Variants in PUM2 observed in about 807,000 individuals in gnomAD.
PUM2 encodes pumilio RNA binding family member 2.
Under a neutral mutation model 124.5 loss-of-function variants are expected in PUM2, and 57 were observed. The observed-to-expected ratio is 0.46, with a 90% confidence interval of 0.37 to 0.57. PUM2 has a LOEUF of 0.57. Ranked by LOEUF, PUM2 falls within the 20% of genes least tolerant of loss-of-function variation. PUM2 has a pLI of 0.00. For synonymous variants in PUM2, 460 were observed against 446.1 expected, an observed-to-expected ratio of 1.03 and a Z score of -0.39; for missense variants, 1,065 against 1,290.6, an observed-to-expected ratio of 0.83 and a Z score of 2.68.
At chr2:20,300,166 T>TG (rs1676617748) in intron 7 of PUM2, among the ~76,000 whole-genome samples, 1 of 151,900 alleles carries the variant, frequency 6.6e-6, no homozygotes, top group Non-Finnish European at 1.5e-5. Context: ...TTTTTTTTTT[T>TG]GAGACAGAGT....
At chr2:20,260,950 T>C (rs916757346) in intron 14 of PUM2, among the ~76,000 whole-genome samples, 2 of 152,144 alleles carry the variant, frequency 1.3e-5, no homozygotes, top group East Asian at 1.9e-4. Context: ...CACATTTCAA[T>C]TGACAACAAG....
intron 14 of PUM2, among the ~76,000 whole-genome samples, chr2:20,262,888 G>T (rs1031635418): frequency 6.6e-6 from 1 of 152,106 alleles, no homozygotes; most frequent in African/African-American, 2.4e-5. Context: ...CACACCATGA[G>T]GGTCACTTAA....
intron 13 of PUM2, among the ~76,000 whole-genome samples, chr2:20,277,775 TC>T (rs1344301631): frequency 2.0e-5 from 3 of 152,200 alleles, no homozygotes; most frequent in Middle Eastern, 3.4e-3. Context: ...GGCAATAGAA[TC>T]CCTCAGTTTC....
chr2:20,283,026 T>G lies in PUM2; in HGVS notation c.1641A>C (p.Gly547=). 1.2e-6 allele frequency: 2 copies of G among 1,614,088 alleles called. No homozygotes were observed. The highest frequency in any genetic ancestry group is 1.7e-4 in the Middle Eastern group (1 of 6,058). The stretch of plus-strand genomic sequence containing the variant: ...CACTTCCAAAGCCAAGAGATGTACT[T>G]CCAGGTTGACCAGGTCCATGAGAAA... The part of the protein sequence containing the change: ...SLFSHGPGQP[G]STSLGFGSGN... The change falls in exon 12 of 21, where the codon GGA becomes GGC. Residue 547 remains glycine (G), a synonymous_variant. Transcript: ENST00000361078.
intron 14 of PUM2, among the ~76,000 whole-genome samples, chr2:20,260,723 T>TTGAC (rs1172367283): frequency 3.3e-5 from 5 of 152,314 alleles, no homozygotes; most frequent in African/African-American, 1.2e-4. Flanking sequence ...TTATAATCAA[T>TTGAC]AAGAAAATTA....
chr2:20,343,157 T>C (rs1302032203), intron 1 of PUM2, among the ~76,000 whole-genome samples: 1 of 152,128 alleles, frequency 6.6e-6, no homozygotes, highest in Non-Finnish European at 1.5e-5. Flanking sequence ...GAGTATAATT[T>C]AAATAAACTT....
At chr2:20,282,125 A>C (rs1391780416) in intron 12 of PUM2, among the ~76,000 whole-genome samples, 1 of 152,212 alleles carries the variant, frequency 6.6e-6, no homozygotes, top group Non-Finnish European at 1.5e-5. Context: ...CACCGATAGA[A>C]CTGGGTCAGC....
At chr2:20,310,371 AG>A (rs774207550) in intron 5 of PUM2, among the ~76,000 whole-genome samples, 2 of 152,082 alleles carry the variant, frequency 1.3e-5, no homozygotes, top group African/African-American at 4.8e-5. Flanking sequence ...AGAGGACATT[AG>A]GAAAAAAAGT....
intron 20 of PUM2, 60 bp downstream of exon 20, chr2:20,253,762 T>G: frequency 6.9e-7 from 1 of 1,440,732 alleles, no homozygotes; most frequent in Admixed American, 2.0e-5. Flanking sequence ...CCCAAGGAGG[T>G]TAAATGTGTA....
rs1185601329 is a variant in PUM2, at chr2:20,350,834, T to G, written c.-256A>C. On this transcript the variant is annotated 5_prime_UTR_variant, in exon 1 of 21. Transcript: ENST00000361078. ...CAACAACATGGCTGCCACCGCCGCC[T>G]GCCCTCCCCTCCCCCCCGCCCACCG... 2 of 963,142 alleles carry G rather than the reference T, an allele frequency of 2.1e-6. No homozygotes were observed. Among genetic ancestry groups the G allele is most frequent in the Non-Finnish European group, 1.2e-6 (1 of 812,316 alleles). The allele number at this position is 963,142 out of a possible 1,614,324, so 59.7% of individuals were successfully genotyped here. A position where few individuals can be genotyped will look rare whatever the true frequency, so the allele number is the denominator to read the frequency against.
At chr2:20,305,151 C>T (rs1031855000) in intron 7 of PUM2, among the ~76,000 whole-genome samples, 2 of 151,974 alleles carry the variant, frequency 1.3e-5, no homozygotes, top group African/African-American at 2.4e-5. Context: ...TTAAAGATTA[C>T]GTAAGTCCAA....
At chr2:20,315,116 G>A (rs776877597) in intron 3 of PUM2, among the ~76,000 whole-genome samples, 1 of 147,284 alleles carries the variant, frequency 6.8e-6, no homozygotes, top group African/African-American at 2.5e-5. Flanking sequence ...TTGCCCAGCT[G>A]GTCTCAAACT....
intron 1 of PUM2, among the ~76,000 whole-genome samples, chr2:20,329,812 C>T (rs1317870201): frequency 1.3e-5 from 2 of 152,090 alleles, no homozygotes; most frequent in African/African-American, 4.8e-5. Flanking sequence ...TTGGGTGTTA[C>T]AAGAATGACC....
At chr2:20,283,570 A>C in intron 10 of PUM2, 84 bp from the exon 11 acceptor site, 4 of 1,325,486 alleles carry the variant, frequency 3.0e-6, no homozygotes, top group Non-Finnish European at 4.2e-6. Flanking sequence ...TATTTTTTCA[A>C]CTAGACAACA....
intron 1 of PUM2, among the ~76,000 whole-genome samples, chr2:20,327,760 AG>A (rs2148868209): frequency 6.6e-6 from 1 of 152,308 alleles, no homozygotes; most frequent in East Asian, 1.9e-4. Flanking sequence ...ATGTGGAAGT[AG>A]GGTCCTTAAA....
chr2:20,297,132 C>A (rs76274443), intron 8 of PUM2, among the ~76,000 whole-genome samples: 5 of 152,122 alleles, frequency 3.3e-5, no homozygotes, highest in African/African-American at 1.2e-4. Context: ...ATTTTAGATA[C>A]ATATTTTCTC....
chr2:20,350,579 G>A lies in PUM2; in HGVS notation c.-19+18C>T. 1 of 985,446 alleles carries A rather than the reference G, an allele frequency of 1.0e-6. No individual in the cohort carries two copies. The highest frequency in any genetic ancestry group is 1.2e-6 in the Non-Finnish European group (1 of 829,952). 61.0% of individuals were successfully genotyped at this position (985,446 alleles called of 1,614,324 possible). On this transcript the variant is annotated intron_variant, in intron 1 of 20. Coordinates refer to ENST00000361078, the MANE Select transcript of PUM2 (RefSeq NM_015317.5). Reference sequence around the variant, plus strand: ...GGCGCCAAAGGACCGGAGAAAGAGCGAACGCGGACTGACTTACAGGGCTGC... The same window carrying A: ...GGCGCCAAAGGACCGGAGAAAGAGCAAACGCGGACTGACTTACAGGGCTGC...
intron 13 of PUM2, among the ~76,000 whole-genome samples, chr2:20,271,311 G>T (rs577123955): frequency 6.6e-6 from 1 of 152,124 alleles, no homozygotes; most frequent in African/African-American, 2.4e-5. Flanking sequence ...TTACAAACAA[G>T]ATTCTTTTCT....
chr2:20,347,709 C>T (rs1688517665), intron 1 of PUM2, among the ~76,000 whole-genome samples: 1 of 152,190 alleles, frequency 6.6e-6, no homozygotes, highest in Admixed American at 6.5e-5. Context: ...CAAAGATTTC[C>T]TTTACTACTG....
Sources: allele counts gnomAD v4.1 joint callset (sites outside exome capture counted in the v4.1 genomes callset), GRCh38; gene constraint gnomAD v4.1.1; transcripts MANE v1.5; gene names NCBI Gene and HGNC (gene_info 2026-07-23, HGNC 2026-07-21).